TAF1: variants seen among roughly 807,000 people sequenced by gnomAD.
The protein encoded by TAF1 is transcription initiation factor TFIID subunit 1.
TAF1 carries 2 observed loss-of-function variants against 138.5 expected under a neutral mutation model. The ratio of observed to expected loss-of-function variants is 0.01; its 90% CI spans 0.01 to 0.05. TAF1 has a LOEUF of 0.05. Ranked by LOEUF, TAF1 falls within the 10% of genes least tolerant of loss-of-function variation. The pLI is 1.00. For missense variants in TAF1, 709 were observed against 1,478.0 expected, an observed-to-expected ratio of 0.48 and a Z score of 8.53; for synonymous variants, 437 against 503.2, an observed-to-expected ratio of 0.87 and a Z score of 1.76.
chrX:71,498,937 C>T lies in TAF1; in HGVS notation c.1367-29605C>T, dbSNP rs140668557. On this transcript the variant is annotated intron_variant and NMD_transcript_variant, in intron 13 of 14. Transcript: ENST00000373775. ...CAGGAGATTAATACTGAGAAAGCCA[C>T]GCCAGTGTCCAGGAGGAAGTCAATT... 1.7e-3 allele frequency among the ~76,000 whole-genome samples: 188 copies of T among 111,529 alleles called. 1 individual carries two copies. The highest frequency in any genetic ancestry group is 7.6e-4 in the Admixed American group (8 of 10,482).
intron 32 of TAF1, among the ~76,000 whole-genome samples, chrX:71,444,783 T>C (rs2037607384): frequency 9.1e-6 from 1 of 110,088 alleles, no homozygotes; most frequent in Admixed American, 9.7e-5. Flanking sequence ...GAGTCTCCGC[T>C]CTGTCGCCCA....
intron 13 of TAF1, among the ~76,000 whole-genome samples, chrX:71,487,496 G>T (rs894050753): frequency 8.3e-5 from 9 of 108,479 alleles, no homozygotes; most frequent in Non-Finnish European, 9.6e-5. Flanking sequence ...GCTAATTTTT[G>T]TATTTTTAGT....
chrX:71,439,213 T>C (rs1164404498), intron 32 of TAF1, among the ~76,000 whole-genome samples: 3 of 111,612 alleles, frequency 2.7e-5, no homozygotes, highest in Non-Finnish European at 5.6e-5. Context: ...CCTCTCTCCT[T>C]CTTTACTTGA....
chrX:71,376,497 C>G (rs2033479833), intron 4 of TAF1, among the ~76,000 whole-genome samples: 1 of 109,926 alleles, frequency 9.1e-6, no homozygotes, highest in Admixed American at 9.8e-5. Context: ...GAAACCCCGT[C>G]TCTACTAAAA....
Position 71,393,224 on chromosome X carries a change from T to TGTG in TAF1, c.3052-77_3052-76insGTG, listed in dbSNP as rs2034662882. 93 of 955,857 alleles carry TGTG rather than the reference T, an allele frequency of 9.7e-5. 1 individual carries two copies. The African/African-American group carries it at 1.9e-3, about 19-fold the overall frequency. The allele number at this position is 955,857 out of a possible 1,213,427, so 78.8% of individuals were successfully genotyped here. On this transcript the variant is annotated intron_variant, in intron 20 of 37. Transcript: ENST00000423759. The stretch of plus-strand genomic sequence containing the variant: ...TTGTCCTTTGAAATCCCTGAATGAT[T>TGTG]TGTGTGTGTGTGTGTGTGTGTGTGT...
chrX:71,461,106 G>A (rs2038533300), intron 37 of TAF1: 1 of 275,775 alleles, frequency 3.6e-6, no homozygotes, highest in Non-Finnish European at 6.4e-6. Context: ...AGTCTGCTTG[G>A]AGTTATCAGG....
At chrX:71,519,753 T>A (rs1449287205) in intron 13 of TAF1, among the ~76,000 whole-genome samples, 1 of 112,736 alleles carries the variant, frequency 8.9e-6, no homozygotes, top group Non-Finnish European at 1.9e-5. Context: ...AATACTTTAT[T>A]TTAGAAATTT....
At chrX:71,396,115 C>T (rs868561439) in intron 22 of TAF1, among the ~76,000 whole-genome samples, 48 of 106,101 alleles carry the variant, frequency 4.5e-4, no homozygotes, top group Non-Finnish European at 7.3e-4. Flanking sequence ...CGCCATTGAA[C>T]TTTACCCTGG....
chrX:71,484,705 C>G (rs2039140555), intron 13 of TAF1, among the ~76,000 whole-genome samples: 1 of 111,812 alleles, frequency 8.9e-6, no homozygotes, highest in Non-Finnish European at 1.9e-5. Context: ...CCAGTGATCC[C>G]CAACTCCTGG....
rs958556913 is a variant in TAF1, at chrX:71,486,634, G to A, written c.1366+25831G>A. Among the ~76,000 whole-genome samples, 15 of 109,548 alleles carry A rather than the reference G, an allele frequency of 1.4e-4. 1 individual carries two copies. The highest frequency in any genetic ancestry group is 4.7e-4 in the African/African-American group (14 of 30,107). On this transcript the variant is annotated intron_variant and NMD_transcript_variant, in intron 13 of 14. Transcript: ENST00000373775. ...CAAAGTGCTGGGATTACCGGCGTGA[G>A]CCATCAAGCTTGGCTGGAAATTTTT...
At chrX:71,527,407 AAAG>A (rs1197857490) in intron 13 of TAF1, among the ~76,000 whole-genome samples, 1 of 110,063 alleles carries the variant, frequency 9.1e-6, no homozygotes, top group Non-Finnish European at 1.9e-5. Context: ...AAAAAAAAGA[AAAG>A]AAAAATTTCA....
At chrX:71,389,143 A>G (rs959166612) in intron 17 of TAF1, among the ~76,000 whole-genome samples, 1 of 112,018 alleles carries the variant, frequency 8.9e-6, no homozygotes, top group East Asian at 2.8e-4. Context: ...TGACTGGGTG[A>G]CTTTAATCTC....
intron 32 of TAF1, among the ~76,000 whole-genome samples, chrX:71,433,257 A>G (rs2036978631): frequency 8.9e-6 from 1 of 112,113 alleles, no homozygotes; most frequent in South Asian, 3.7e-4. Context: ...TGGCACAAAG[A>G]TTTGCAGGGA....
chrX:71,408,186 C>A (rs1305262615), intron 28 of TAF1, 35 bp downstream of exon 28: 4 of 1,196,656 alleles, frequency 3.3e-6, no homozygotes, highest in South Asian at 3.7e-5. Context: ...GCAAAGGTCA[C>A]TGTTCAGATC....
intron 13 of TAF1, among the ~76,000 whole-genome samples, chrX:71,486,210 T>C (rs1168274227): frequency 9.1e-6 from 1 of 110,276 alleles, no homozygotes; most frequent in African/African-American, 3.3e-5. Context: ...ATCCCGCTAA[T>C]TTTTTGATTT....
intron 13 of TAF1, chrX:71,492,874 C>T (rs906163062): frequency 8.9e-6 from 1 of 112,896 alleles, no homozygotes; most frequent in African/African-American, 3.2e-5. Context: ...TGTCGCGGGA[C>T]GCCGGGGCGG....
In TAF1 at chrX:71,425,649, TAAATA is replaced by T. The variant is rs869054552; in HGVS notation, c.4753+1419_4753+1423del. ...AACAGCAAGACCCTGTCTCTATAAA[TAAATA>T]AAATAAATAAGTAAAGTGCAGCTTG... On this transcript the variant is annotated intron_variant, in intron 32 of 37. Coordinates refer to ENST00000423759, the MANE Select transcript of TAF1 (RefSeq NM_004606.5). 3.6e-5 allele frequency among the ~76,000 whole-genome samples: 4 copies of T among 110,415 alleles called. No individual in the cohort carries two copies. In the East Asian group the frequency reaches 1.1e-3, roughly 31 times the overall value.
At chrX:71,505,823 C>A (rs2039611458) in intron 13 of TAF1, among the ~76,000 whole-genome samples, 1 of 110,572 alleles carries the variant, frequency 9.0e-6, no homozygotes, top group African/African-American at 3.3e-5. Flanking sequence ...GGGTTCGAGA[C>A]CAGCCTGACC....
At chrX:71,367,025 T>TC (rs2032574179) in intron 1 of TAF1, among the ~76,000 whole-genome samples, 1 of 112,066 alleles carries the variant, frequency 8.9e-6, no homozygotes, top group Non-Finnish European at 1.9e-5. Context: ...TTTCGTGAAA[T>TC]AGTGTCCTGC....
Sources: allele counts gnomAD v4.1 joint callset (sites outside exome capture counted in the v4.1 genomes callset), GRCh38; gene constraint gnomAD v4.1.1; transcripts MANE v1.5; gene names NCBI Gene and HGNC (gene_info 2026-07-23, HGNC 2026-07-21).